Variants in SCRIB observed in about 807,000 individuals in gnomAD.
SCRIB encodes scribble planar cell polarity protein.
A neutral mutation model predicts 170.0 loss-of-function variants in SCRIB; 72 were observed. That is an observed-to-expected ratio of 0.42 (90% CI 0.35 to 0.52). The LOEUF is 0.52. Among genes scored for constraint, SCRIB ranks in the 20% least tolerant of loss-of-function variants. The pLI is 0.02. For synonymous variants in SCRIB, 1,298 were observed against 1,044.3 expected, an observed-to-expected ratio of 1.24 and a Z score of -4.68; for missense variants, 2,475 against 2,338.5, an observed-to-expected ratio of 1.06 and a Z score of -1.20.
At chr8:143,811,966 C>G (rs1187818645) in intron 9 of SCRIB, among the ~76,000 whole-genome samples, 2 of 152,210 alleles carry the variant, frequency 1.3e-5, no homozygotes, top group African/African-American at 4.8e-5. Context: ...GTCTTCCCTA[C>G]AGACAAATAA....
rs1315283555 is a variant in SCRIB, at chr8:143,792,109, A to C, written c.4539T>G (p.Ala1513=). 1.5e-5 allele frequency: 24 copies of C among 1,586,846 alleles called. No individual in the cohort carries two copies. Among genetic ancestry groups the C allele is most frequent in the Non-Finnish European group, 2.0e-5 (23 of 1,173,340 alleles). The stretch of plus-strand genomic sequence containing the variant: ...TGCTGAGGACCATCTGTGCTCGGAG[A>C]GCGTCCTGTTCCAATGACTTCATCC... ...AARMKSLEQD[A]LRAQMVLSRS... is the part of the protein sequence containing the mutation. The change falls in exon 33 of 37, where the codon GCT becomes GCG. Residue 1513 remains alanine, a synonymous_variant. Coordinates refer to ENST00000356994, the MANE Select transcript of SCRIB (RefSeq NM_182706.5).
chr8:143,815,111 G>A (rs1417545481), intron 1 of SCRIB, 103 bp downstream of exon 1: 61 of 1,327,024 alleles, frequency 4.6e-5, no homozygotes, highest in East Asian at 3.1e-5. Context: ...AAACCAGCAG[G>A]GCCGGCTGGA....
In SCRIB at chr8:143,791,676, T is replaced by G; in HGVS notation, c.4760A>C (p.Tyr1587Ser). The change falls in exon 35 of 37, where the codon TAT (tyrosine) becomes TCT (serine). Residue 1587 changes from tyrosine to serine, a missense_variant. By Grantham distance (144) the Tyr-to-Ser change is moderately radical. This residue lies in a region of SCRIB where 1,966 missense variants were observed against 1,742.9 expected (regional missense o/e 1.13). Coordinates refer to ENST00000356994, the MANE Select transcript of SCRIB (RefSeq NM_182706.5). Reference sequence around the variant, plus strand: ...CTGGAGGCCAGGTACCTGGATGTCATAGACAGGTCTGGAAGAAGGCAGGGC... The same window carrying G: ...CTGGAGGCCAGGTACCTGGATGTCAGAGACAGGTCTGGAAGAAGGCAGGGC... ...FAALPSSRPVYDIQSPDFAEE... is the reference protein window; with the variant it reads ...FAALPSSRPVSDIQSPDFAEE... 1 of 1,605,468 alleles carries G rather than the reference T, an allele frequency of 6.2e-7. No homozygotes were observed. Among genetic ancestry groups the G allele is most frequent in the Non-Finnish European group, 8.5e-7 (1 of 1,174,052 alleles).
In SCRIB at chr8:143,805,453, C is replaced by A; in HGVS notation, c.2347-18G>T. On this transcript the variant is annotated intron_variant, in intron 18 of 36. Coordinates refer to ENST00000356994, the MANE Select transcript of SCRIB (RefSeq NM_182706.5). ...CCATTCACCTGCGGGCCAGGGACCA[C>A]GTGCGTATTCAGGACCCAGTGCCGC... 3 of 1,464,098 alleles carry A rather than the reference C, an allele frequency of 2.0e-6. No homozygotes were observed. Among genetic ancestry groups the A allele is most frequent in the Non-Finnish European group, 1.8e-6 (2 of 1,109,052 alleles). The allele number at this position is 1,464,098 out of a possible 1,614,324, so 90.7% of individuals were successfully genotyped here.
At chr8:143,807,641 G>C in intron 15 of SCRIB, 27 bp from the exon 16 acceptor site, 1 of 1,600,708 alleles carries the variant, frequency 6.2e-7, no homozygotes, top group Non-Finnish European at 8.6e-7. Context: ...AGTGAGGCAT[G>C]CAGGTTAGCC....
At chr8:143,810,195 C>T (rs1815641906) in intron 13 of SCRIB, among the ~76,000 whole-genome samples, 1 of 152,130 alleles carries the variant, frequency 6.6e-6, no homozygotes, top group Non-Finnish European at 1.5e-5. Context: ...ACCAGAGACC[C>T]TACCCCACAA....
At position 143,793,985 on chromosome 8, in the gene SCRIB, G is replaced by C. The variant is rs781889302; in HGVS notation, c.3847-23C>G. The stretch of plus-strand genomic sequence containing the variant: ...TACCTGGAGGAGTAGGCAGTGGGTG[G>C]GGTGAGGATGGGCAGGGCTGTGGCC... On this transcript the variant is annotated intron_variant, in intron 27 of 36. Transcript: ENST00000356994. The C allele has an allele frequency of 6.8e-6, 11 of 1,609,618 alleles. No homozygotes were observed. The Admixed American group carries it at 1.5e-4, about 22-fold the overall frequency.
chr8:143,795,444 C>T lies in SCRIB; in HGVS notation c.3690G>A (p.Glu1230=), dbSNP rs1814902007. 2.5e-6 allele frequency: 4 copies of T among 1,613,202 alleles called. No homozygotes were observed. Among genetic ancestry groups the T allele is most frequent in the East Asian group, 2.2e-5 (1 of 44,856 alleles). The change falls in exon 25 of 37, where the codon GAG becomes GAA. Residue 1230 remains glutamate, a synonymous_variant. Coordinates refer to ENST00000356994, the MANE Select transcript of SCRIB (RefSeq NM_182706.5). The part of the protein sequence containing the change: ...SLESISSIDR[E]LSPEGPGKEK... ...CCTTGCCTGGGCCCTCAGGGCTCAGCTCCCGGTCGATGGAAGAGATGCTCT... is the reference window on the plus strand; with the variant it reads ...CCTTGCCTGGGCCCTCAGGGCTCAGTTCCCGGTCGATGGAAGAGATGCTCT...
chr8:143,813,217 T>C, intron 6 of SCRIB, 94 bp downstream of exon 6: 1 of 1,588,500 alleles, frequency 6.3e-7, no homozygotes, highest in Non-Finnish European at 8.6e-7. Context: ...CCTCCCGAGG[T>C]GCCCCTTGCT....
intron 21 of SCRIB, among the ~76,000 whole-genome samples, 178 bp from the exon 22 acceptor site, chr8:143,804,334 A>G (rs1554635817): frequency 1.3e-5 from 2 of 152,222 alleles, no homozygotes; most frequent in African/African-American, 2.4e-5. Flanking sequence ...GCGTGAGGAC[A>G]ATATCCTCGC....
At chr8:143,803,245 G>T in intron 24 of SCRIB, 138 bp downstream of exon 24, 1 of 814,348 alleles carries the variant, frequency 1.2e-6, no homozygotes, top group South Asian at 2.0e-5. Flanking sequence ...CAGCCCGCAC[G>T]GCTGATGCAG....
In SCRIB at chr8:143,804,843, A is replaced by C; in HGVS notation, c.2752-18T>G. 2.7e-6 allele frequency: 4 copies of C among 1,458,686 alleles called. No homozygotes were observed. The highest frequency in any genetic ancestry group is 3.7e-6 in the Non-Finnish European group (4 of 1,095,868). The allele number at this position is 1,458,686 out of a possible 1,614,324, so 90.4% of individuals were successfully genotyped here. A position where few individuals can be genotyped will look rare whatever the true frequency, so the allele number is the denominator to read the frequency against. ...CCATTAATCTGTGAGAGCGTGCCCG[A>C]ATCAGGGAGGCCCAAGGGCAGAAGG... On this transcript the variant is annotated intron_variant, in intron 20 of 36. Transcript: ENST00000356994.
At chr8:143,802,168 C>A (rs1246040459) in intron 24 of SCRIB, among the ~76,000 whole-genome samples, 1 of 152,252 alleles carries the variant, frequency 6.6e-6, no homozygotes, top group South Asian at 2.1e-4. Context: ...CCCCAGAAAC[C>A]ACCAGGACTC....
In SCRIB at chr8:143,807,122, C is replaced by G. The variant is rs192237523; in HGVS notation, c.2179-109G>C. On this transcript the variant is annotated intron_variant, in intron 16 of 36. Coordinates refer to ENST00000356994, the MANE Select transcript of SCRIB (RefSeq NM_182706.5). ...ATGCCATTTCTGGCTTTTCTCTAGG[C>G]AGCTGAATGGGGCCTCATGCCACTC... 3,114 of 802,246 alleles carry G rather than the reference C, an allele frequency of 3.9e-3. 44 individuals are homozygous for G. The highest frequency in any genetic ancestry group is 0.022 in the East Asian group (834 of 37,420). The allele number at this position is 802,246 out of a possible 1,614,324, so 49.7% of individuals were successfully genotyped here.
chr8:143,809,107 A>G, intron 14 of SCRIB, 82 bp from the exon 15 acceptor site: 5 of 1,487,810 alleles, frequency 3.4e-6, no homozygotes, highest in Non-Finnish European at 4.5e-6. Context: ...GTGTGGCCAC[A>G]GACGGGCTCC....
At chr8:143,799,775 C>T (rs782181550) in intron 24 of SCRIB, among the ~76,000 whole-genome samples, 1 of 144,286 alleles carries the variant, frequency 6.9e-6, no homozygotes, top group African/African-American at 2.9e-5. Context: ...AAGCAGGAGA[C>T]GTAGGCTCTG....
intron 34 of SCRIB, 30 bp from the exon 35 acceptor site, chr8:143,791,770 G>A (rs782266341): frequency 2.5e-5 from 37 of 1,493,924 alleles, no homozygotes; most frequent in Non-Finnish European, 3.2e-5. Context: ...GGGAGAGGCA[G>A]AGAGTGAGAG....
In SCRIB at chr8:143,791,103, A is replaced by G. The variant is rs373124123; in HGVS notation, c.*60T>C. 12 of 1,372,230 alleles carry G rather than the reference A, an allele frequency of 8.7e-6. No individual in the cohort carries two copies. The East Asian group carries it at 1.1e-4, about 13-fold the overall frequency. The allele number at this position is 1,372,230 out of a possible 1,614,324, so 85.0% of individuals were successfully genotyped here. A position where few individuals can be genotyped will look rare whatever the true frequency, so the allele number is the denominator to read the frequency against. ...ACACCCAGGTTAAAAGACTTGGGGC[A>G]AGGGTGGTGCTGGAGCTGGCAGGGC... On this transcript the variant is annotated 3_prime_UTR_variant, in exon 37 of 37. Coordinates refer to ENST00000356994, the MANE Select transcript of SCRIB (RefSeq NM_182706.5).
In SCRIB at chr8:143,805,408, C is replaced by A; in HGVS notation, c.2374G>T (p.Glu792Ter). The A allele has an allele frequency of 6.6e-7, 1 of 1,526,180 alleles. No individual in the cohort carries two copies. The highest frequency in any genetic ancestry group is 8.8e-7 in the Non-Finnish European group (1 of 1,140,430). 94.5% of individuals were successfully genotyped at this position (1,526,180 alleles called of 1,614,324 possible). A position where few individuals can be genotyped will look rare whatever the true frequency, so the allele number is the denominator to read the frequency against. ...AGCGCCTCCACGGCCTCGTGGTGCTCGGCGCCCTGCAGAGCCACACCATTC... is the reference window on the plus strand; with the variant it reads ...AGCGCCTCCACGGCCTCGTGGTGCTAGGCGCCCTGCAGAGCCACACCATTC... ...EVNGVALQGAEHHEAVEALRG... is the reference protein window; with the variant it reads ...EVNGVALQGA The change falls in exon 19 of 37, where the codon GAG becomes TAG. Residue 792 changes from glutamate (E) to a stop codon, truncating the protein, a stop_gained. Coordinates refer to ENST00000356994, the MANE Select transcript of SCRIB (RefSeq NM_182706.5). LOFTEE classifies it high-confidence loss of function.
Sources: gnomAD v4.1 joint callset for allele counts (sites outside exome capture counted in the v4.1 genomes callset) on GRCh38, gnomAD v4.1.1 for gene constraint, gnomAD v4.1.1 regional missense constraint, MANE v1.5 for transcripts, NCBI Gene and HGNC (gene_info 2026-07-23, HGNC 2026-07-21) for gene names.